Variants in AKT3 observed in about 807,000 individuals in gnomAD.
AKT3 encodes AKT serine/threonine kinase 3.
In AKT3, 15 loss-of-function variants were observed where a neutral mutation model predicts 65.3. The observed-to-expected ratio is 0.23, with a 90% CI of 0.15 to 0.35. The LOEUF (loss-of-function observed/expected upper bound fraction) is 0.35, where lower values mean the gene tolerates loss of function less well. Among genes scored for constraint, AKT3 ranks in the 10% least tolerant of loss-of-function variants. The pLI is 1.00. For missense variants in AKT3, 243 were observed against 576.5 expected (o/e 0.42, Z 5.92); for synonymous variants, 206 against 183.8 (o/e 1.12, Z -0.98).
intron 11 of AKT3, 32 bp from the exon 12 acceptor site, chr1:243,545,629 T>A (rs1384518882): frequency 6.9e-7 from 1 of 1,453,424 alleles, no homozygotes; most frequent in Non-Finnish European, 9.6e-7. Context: ...TAAGTAAGTA[T>A]AAAACATTTA....
At chr1:243,701,460 G>A (rs1180105316) in intron 2 of AKT3, among the ~76,000 whole-genome samples, 2 of 152,090 alleles carry the variant, frequency 1.3e-5, no homozygotes, top group Non-Finnish European at 2.9e-5. Context: ...CATGGACTAT[G>A]CTAAAAACAC....
At chr1:243,635,592 C>A (rs1167473691) in intron 6 of AKT3, among the ~76,000 whole-genome samples, 1 of 151,694 alleles carries the variant, frequency 6.6e-6, no homozygotes, top group Non-Finnish European at 1.5e-5. Flanking sequence ...TTATTATGGG[C>A]AAAATCCACT....
intron 3 of AKT3, among the ~76,000 whole-genome samples, chr1:243,673,683 G>A (rs545437587): frequency 5.8e-4 from 84 of 145,416 alleles, no homozygotes; most frequent in African/African-American, 2.0e-3. Context: ...GCGCGATCTC[G>A]GCTCACTGCA....
At chr1:243,818,793 GAATCCTGCACCAGC>G (rs1391600950) in intron 2 of AKT3, among the ~76,000 whole-genome samples, 1 of 152,056 alleles carries the variant, frequency 6.6e-6, no homozygotes, top group Non-Finnish European at 1.5e-5. Flanking sequence ...AAAGGCCAGT[GAATCCTGCACCAGC>G]AACTTTGAGA....
At chr1:243,564,135 C>G (rs1051755907) in intron 9 of AKT3, among the ~76,000 whole-genome samples, 1 of 152,114 alleles carries the variant, frequency 6.6e-6, no homozygotes, top group Non-Finnish European at 1.5e-5. Context: ...GCCTAATCAA[C>G]TTTTCAAAGC....
intron 2 of AKT3, among the ~76,000 whole-genome samples, chr1:243,782,717 G>A (rs145544982): frequency 0.015 from 2,291 of 152,252 alleles, 23 homozygotes; most frequent in Non-Finnish European, 0.023. Flanking sequence ...GACGATTAGC[G>A]TATCTTTGAA....
intron 8 of AKT3, among the ~76,000 whole-genome samples, chr1:243,611,968 G>GTAATA: frequency 6.6e-6 from 1 of 152,110 alleles, no homozygotes; most frequent in African/African-American, 2.4e-5. Flanking sequence ...CTTTCACTAT[G>GTAATA]CATTCTAATT....
intron 2 of AKT3, among the ~76,000 whole-genome samples, chr1:243,755,321 C>T (rs1192398220): frequency 2.0e-5 from 3 of 151,580 alleles, no homozygotes; most frequent in Non-Finnish European, 1.5e-5. Context: ...GTGATCTGCC[C>T]GCCTCGGCCA....
intron 8 of AKT3, among the ~76,000 whole-genome samples, chr1:243,603,571 G>C (rs1257395282): frequency 1.3e-5 from 2 of 152,062 alleles, no homozygotes; most frequent in East Asian, 3.9e-4. Context: ...TGTTCTAACT[G>C]TACATACTTT....
chr1:243,624,994 C>T, intron 6 of AKT3: 1 of 358,630 alleles, frequency 2.8e-6, no homozygotes, highest in South Asian at 2.9e-5. Context: ...ATCCCTAGAG[C>T]CTTCATGTAC....
intron 2 of AKT3, among the ~76,000 whole-genome samples, chr1:243,770,041 C>T (rs1156694611): frequency 1.3e-5 from 2 of 152,128 alleles, no homozygotes; most frequent in Non-Finnish European, 2.9e-5. Flanking sequence ...ATCGGGTTGT[C>T]CCATCATCAT....
At chr1:243,795,472 TTTG>T (rs1558817979) in intron 2 of AKT3, among the ~76,000 whole-genome samples, 5 of 100,776 alleles carry the variant, frequency 5.0e-5, no homozygotes, top group Non-Finnish European at 6.7e-5. Context: ...GTTTTTTTTT[TTTG>T]GTTTTTTTTT....
At chr1:243,648,432 G>A (rs1344958659) in intron 4 of AKT3, among the ~76,000 whole-genome samples, 1 of 152,052 alleles carries the variant, frequency 6.6e-6, no homozygotes, top group Non-Finnish European at 1.5e-5. Context: ...GCTCCATTTG[G>A]CCACATAACT....
At chr1:243,645,254 C>T (rs1273572115) in intron 5 of AKT3, among the ~76,000 whole-genome samples, 1 of 152,114 alleles carries the variant, frequency 6.6e-6, no homozygotes, top group Non-Finnish European at 1.5e-5. Flanking sequence ...ATCTCAACAC[C>T]TCTATCTTTA....
At chr1:243,612,520 T>C (rs1677949008) in intron 8 of AKT3, 1 of 153,336 alleles carries the variant, frequency 6.5e-6, no homozygotes, top group Admixed American at 6.5e-5. Context: ...AAAATAAGAA[T>C]ATTTTAAGTT....
In AKT3 at chr1:243,597,893, CT is replaced by C. The variant is rs550594751; in HGVS notation, c.696+15777del. Among the ~76,000 whole-genome samples, 214 of 152,306 alleles carry C rather than the reference CT, an allele frequency of 1.4e-3. 1 individual carries two copies. Among genetic ancestry groups the C allele is most frequent in the African/African-American group, 5.0e-3 (207 of 41,564 alleles). On this transcript the variant is annotated intron_variant, in intron 8 of 13. Transcript: ENST00000673466. ...TGAAGAAAGCAGCATTCAATAAGAA[CT>C]TTTTTGACAGAATTAAAATAATTTT... is the stretch of plus-strand genomic sequence containing the variant.
chr1:243,512,886 G>A (rs1386764285), intron 12 of AKT3, among the ~76,000 whole-genome samples: 1 of 152,136 alleles, frequency 6.6e-6, no homozygotes, highest in Admixed American at 6.5e-5. Flanking sequence ...TTTGCCCTTC[G>A]TAAAGAACTA....
chr1:243,595,245 C>A (rs1247250008), intron 8 of AKT3, among the ~76,000 whole-genome samples: 1 of 152,088 alleles, frequency 6.6e-6, no homozygotes, highest in Non-Finnish European at 1.5e-5. Context: ...CTAAACACAT[C>A]TAGAAAAGTA....
intron 8 of AKT3, among the ~76,000 whole-genome samples, chr1:243,602,052 GGCCCCTGC>G (rs1677046189): frequency 6.6e-6 from 1 of 152,172 alleles, no homozygotes; most frequent in South Asian, 2.1e-4. Flanking sequence ...ATGCCTGGCA[GGCCCCTGC>G]AGTTCCAGCC....
Sources: allele counts gnomAD v4.1 joint callset (sites outside exome capture counted in the v4.1 genomes callset), GRCh38; gene constraint gnomAD v4.1.1; transcripts MANE v1.5; gene names NCBI Gene and HGNC (gene_info 2026-07-23, HGNC 2026-07-21).